Variants in TM9SF2 observed in about 807,000 individuals in gnomAD.
TM9SF2 encodes transmembrane 9 superfamily member 2, also known as 76 kDa membrane protein.
Under a neutral mutation model 84.9 loss-of-function variants are expected in TM9SF2, and 13 were observed. The observed-to-expected ratio is 0.15, with a 90% CI of 0.10 to 0.24. TM9SF2 has a LOEUF of 0.24. TM9SF2 is among the 10% of genes least tolerant of loss of function. TM9SF2 has a pLI of 1.00. For missense variants in TM9SF2, 562 were observed against 818.5 expected, an observed-to-expected ratio of 0.69 and a Z score of 3.82; for synonymous variants, 273 against 285.8, an observed-to-expected ratio of 0.96 and a Z score of 0.45.
intron 13 of TM9SF2, 81 bp from the exon 14 acceptor site, chr13:99,554,223 G>C (rs918010297): frequency 2.0e-6 from 3 of 1,497,282 alleles, no homozygotes; most frequent in Non-Finnish European, 2.7e-6. Flanking sequence ...CTGAAAAAAA[G>C]CAGGCAAATA....
At chr13:99,559,609 T>C in intron 16 of TM9SF2, 75 bp downstream of exon 16, 1 of 1,369,608 alleles carries the variant, frequency 7.3e-7, no homozygotes, top group Non-Finnish European at 9.8e-7. Context: ...TTTGTCTTTT[T>C]TAAAACCCAT....
At position 99,547,774 on chromosome 13, in the gene TM9SF2, G is replaced by A. The variant is rs190150826; in HGVS notation, c.1270+670G>A. Among the ~76,000 whole-genome samples the A allele has an allele frequency of 2.5e-3, 374 of 152,266 alleles. 3 individuals are homozygous for A. Among genetic ancestry groups the A allele is most frequent in the African/African-American group, 8.6e-3 (358 of 41,542 alleles). On this transcript the variant is annotated intron_variant, in intron 11 of 16. Transcript: ENST00000376387. Reference sequence around the variant, plus strand: ...AGCAGGGACCAGAGCTGGCCTCCTCGGGAATGCCACAGTCTCGTCTGGGAT... The same window carrying A: ...AGCAGGGACCAGAGCTGGCCTCCTCAGGAATGCCACAGTCTCGTCTGGGAT...
At chr13:99,516,154 C>A (rs9517755) in intron 1 of TM9SF2, among the ~76,000 whole-genome samples, 131,768 of 152,236 alleles carry the variant, frequency 0.87, 57,344 homozygotes, top group Admixed American at 0.92. Flanking sequence ...AAGTGATGGC[C>A]CCGGGATTTG....
intron 6 of TM9SF2, among the ~76,000 whole-genome samples, chr13:99,539,084 C>T (rs968450447): frequency 6.6e-6 from 1 of 151,248 alleles, no homozygotes; most frequent in African/African-American, 2.4e-5. Context: ...GTGGCACACA[C>T]CTGTAGTCCC....
At chr13:99,509,390 T>C (rs374119385) in intron 1 of TM9SF2, among the ~76,000 whole-genome samples, 14 of 152,262 alleles carry the variant, frequency 9.2e-5, no homozygotes, top group African/African-American at 3.1e-4. Context: ...TAAAGGTGCT[T>C]TGTGGGGGCT....
Position 99,554,330 on chromosome 13 carries a change from TCAGATTC to T in TM9SF2, c.1518_1524del (p.Gln506HisfsTer36), listed in dbSNP as rs1566573788. ...CCATTGAACACCCAGTTCGAACCAA[TCAGATTC>T]CACGTCAGATTCCTGAACAGTCGTT... On this transcript the variant is annotated frameshift_variant, in exon 14 of 17. Transcript: ENST00000376387. LOFTEE classifies it high-confidence loss of function. The T allele has an allele frequency of 6.2e-7, 1 of 1,613,918 alleles. No individual in the cohort carries two copies. The highest frequency in any genetic ancestry group is 8.5e-7 in the Non-Finnish European group (1 of 1,179,918).
intron 3 of TM9SF2, among the ~76,000 whole-genome samples, chr13:99,526,542 T>A (rs2046184406): frequency 6.6e-6 from 1 of 152,034 alleles, no homozygotes; most frequent in Non-Finnish European, 1.5e-5. Context: ...GTGATGAACA[T>A]TTGAGCCAGT....
intron 1 of TM9SF2, among the ~76,000 whole-genome samples, chr13:99,509,812 T>C (rs1411865199): frequency 6.6e-6 from 1 of 152,248 alleles, no homozygotes; most frequent in Non-Finnish European, 1.5e-5. Flanking sequence ...ATCTGTAGCA[T>C]GCGGTTGCCC....
At chr13:99,504,847 T>C (rs2046081902) in intron 1 of TM9SF2, among the ~76,000 whole-genome samples, 1 of 152,214 alleles carries the variant, frequency 6.6e-6, no homozygotes. Context: ...CCGATACTAT[T>C]TCATTCTGTT....
At chr13:99,522,213 G>T (rs946510947) in intron 3 of TM9SF2, among the ~76,000 whole-genome samples, 11 of 152,106 alleles carry the variant, frequency 7.2e-5, no homozygotes, top group Admixed American at 3.3e-4. Context: ...TAGAGATGGG[G>T]TTTTGCCAAG....
intron 1 of TM9SF2, 59 bp downstream of exon 1, chr13:99,501,836 C>T (rs1487504377): frequency 1.3e-6 from 2 of 1,551,144 alleles, no homozygotes; most frequent in East Asian, 2.4e-5. Context: ...CGTCCCTATC[C>T]GGGGGAGCTG....
At chr13:99,531,008 C>T (rs190898939) in intron 4 of TM9SF2, among the ~76,000 whole-genome samples, 1 of 151,928 alleles carries the variant, frequency 6.6e-6, no homozygotes, top group Non-Finnish European at 1.5e-5. Flanking sequence ...TTACATGTGC[C>T]CGCCACCACA....
intron 1 of TM9SF2, among the ~76,000 whole-genome samples, chr13:99,510,276 A>G (rs570681315): frequency 1.4e-4 from 22 of 152,134 alleles, no homozygotes; most frequent in South Asian, 6.2e-4. Context: ...TCATCTTCCT[A>G]TCTTCTTCTG....
At position 99,544,572 on chromosome 13, in the gene TM9SF2, C is replaced by T. The variant is rs1014734500; in HGVS notation, c.1150+577C>T. Among the ~76,000 whole-genome samples the T allele has an allele frequency of 2.0e-5, 3 of 152,292 alleles. 1 individual carries two copies. In the South Asian group the frequency reaches 6.2e-4, roughly 32 times the overall value. ...AAGACCATCAGCATCTGAGTCTAAA[C>T]AGCCCAGAACTGGGACCATTTAGGG... On this transcript the variant is annotated intron_variant, in intron 10 of 16. Transcript: ENST00000376387.
chr13:99,529,389 T>G lies in TM9SF2; in HGVS notation c.334-78T>G, dbSNP rs540461481. 4 of 1,351,390 alleles carry G rather than the reference T, an allele frequency of 3.0e-6. No homozygotes were observed. In the East Asian group the frequency reaches 1.1e-4, roughly 36 times the overall value. 83.7% of individuals were successfully genotyped at this position (1,351,390 alleles called of 1,614,324 possible). ...TTAAGTAATTTAATGGGACCAGCAC[T>G]TTTACTCTATTTGTGATATTGGTAT... On this transcript the variant is annotated intron_variant, in intron 3 of 16. Coordinates refer to ENST00000376387, the MANE Select transcript of TM9SF2 (RefSeq NM_004800.3).
intron 10 of TM9SF2, among the ~76,000 whole-genome samples, chr13:99,544,543 C>G (rs1267039205): frequency 6.6e-6 from 1 of 152,128 alleles, no homozygotes; most frequent in Non-Finnish European, 1.5e-5. Context: ...ATGAACAGGT[C>G]CTTAAGACCA....
chr13:99,555,517 T>C lies in TM9SF2; in HGVS notation c.1641-19T>C. ...AATTGAAAATATTTATAGTTCCTTCTTGACGTGTTTGATTATAGGTCACAC... is the reference window on the plus strand; with the variant it reads ...AATTGAAAATATTTATAGTTCCTTCCTGACGTGTTTGATTATAGGTCACAC... On this transcript the variant is annotated intron_variant, in intron 14 of 16. Transcript: ENST00000376387. 8 of 1,528,750 alleles carry C rather than the reference T, an allele frequency of 5.2e-6. No homozygotes were observed. The highest frequency in any genetic ancestry group is 7.2e-6 in the Non-Finnish European group (8 of 1,103,736). 94.7% of individuals were successfully genotyped at this position (1,528,750 alleles called of 1,614,324 possible). A position where few individuals can be genotyped will look rare whatever the true frequency, so the allele number is the denominator to read the frequency against.
intron 16 of TM9SF2, among the ~76,000 whole-genome samples, chr13:99,560,783 G>A (rs908560921): frequency 4.6e-5 from 7 of 152,108 alleles, no homozygotes; most frequent in Non-Finnish European, 8.8e-5. Flanking sequence ...CCAGGTTCAC[G>A]CCATTCTCCT....
intron 9 of TM9SF2, among the ~76,000 whole-genome samples, chr13:99,542,474 A>G (rs2046264538): frequency 6.6e-6 from 1 of 152,210 alleles, no homozygotes; most frequent in Non-Finnish European, 1.5e-5. Context: ...ACAGTGTTAC[A>G]CATTTTCTAC....
Sources: gnomAD v4.1 joint callset for allele counts (sites outside exome capture counted in the v4.1 genomes callset) on GRCh38, gnomAD v4.1.1 for gene constraint, MANE v1.5 for transcripts, NCBI Gene and HGNC (gene_info 2026-07-23, HGNC 2026-07-21) for gene names.